Variants in PTPRG observed in about 807,000 individuals in gnomAD.
The protein encoded by PTPRG is receptor-type tyrosine-protein phosphatase gamma.
Under a neutral mutation model 165.3 loss-of-function variants are expected in PTPRG, and 102 were observed. The observed-to-expected ratio is 0.62, with a 90% CI of 0.53 to 0.73. The LOEUF is 0.73. Ranked by LOEUF, PTPRG falls within the 30% of genes least tolerant of loss-of-function variation. The probability of loss-of-function intolerance (pLI) is 0.00; values close to 1 mark genes in which losing one functional copy is unlikely to be tolerated. For synonymous variants in PTPRG, 675 were observed against 669.5 expected (o/e 1.01, Z -0.13); for missense variants, 1,866 against 1,861.4 (o/e 1.00, Z -0.05).
chr3:62,292,040 C>T (rs1702916435), intron 28 of PTPRG, among the ~76,000 whole-genome samples: 1 of 151,980 alleles, frequency 6.6e-6, no homozygotes, highest in Admixed American at 6.6e-5. Flanking sequence ...AATTCAGAGC[C>T]CTTCATCACT....
intron 1 of PTPRG, among the ~76,000 whole-genome samples, chr3:61,599,802 A>G (rs1700801324): frequency 6.6e-6 from 1 of 152,084 alleles, no homozygotes; most frequent in African/African-American, 2.4e-5. Flanking sequence ...CTGATCCTGC[A>G]TTCTTCACCA....
intron 4 of PTPRG, among the ~76,000 whole-genome samples, chr3:62,072,631 G>GTGTC (rs144463523): frequency 2.0e-5 from 3 of 151,326 alleles, no homozygotes; most frequent in East Asian, 1.9e-4. Context: ...GTGTGTGTGT[G>GTGTC]TGTGTGTGTG....
chr3:62,290,936 C>T (rs971527106), intron 28 of PTPRG, among the ~76,000 whole-genome samples: 1 of 151,972 alleles, frequency 6.6e-6, no homozygotes, highest in African/African-American at 2.4e-5. Context: ...ACTGTACTTC[C>T]GTATAACAAA....
intron 1 of PTPRG, among the ~76,000 whole-genome samples, chr3:61,656,076 T>C (rs1387031243): frequency 7.8e-6 from 1 of 128,422 alleles, no homozygotes; most frequent in African/African-American, 2.9e-5. Context: ...GAAAATAAAA[T>C]GAAAAAATAA....
At chr3:61,751,805 A>G (rs2033441528) in intron 2 of PTPRG, among the ~76,000 whole-genome samples, 1 of 152,022 alleles carries the variant, frequency 6.6e-6, no homozygotes, top group Non-Finnish European at 1.5e-5. Context: ...CCTGGCTAAC[A>G]CGGTGAAATC....
intron 5 of PTPRG, among the ~76,000 whole-genome samples, chr3:62,092,580 G>A (rs1182108972): frequency 6.6e-6 from 1 of 151,992 alleles, no homozygotes; most frequent in East Asian, 1.9e-4. Context: ...TCTAAATCCA[G>A]ATTGCTCAAT....
chr3:62,157,637 G>T (rs1299199048), intron 7 of PTPRG, among the ~76,000 whole-genome samples: 1 of 152,152 alleles, frequency 6.6e-6, no homozygotes, highest in Admixed American at 6.5e-5. Context: ...GTCTTATGAG[G>T]AAGGTGCTGT....
intron 2 of PTPRG, among the ~76,000 whole-genome samples, chr3:61,822,278 G>A (rs1405622919): frequency 1.3e-5 from 2 of 152,144 alleles, no homozygotes; most frequent in Non-Finnish European, 2.9e-5. Context: ...TAGCCGTTGG[G>A]TTTCACGTTG....
At chr3:62,263,818 G>C (rs994346713) in intron 17 of PTPRG, 1 of 152,232 alleles carries the variant, frequency 6.6e-6, no homozygotes, top group Non-Finnish European at 1.5e-5. Flanking sequence ...TGCAAGACCA[G>C]CCTGGCCAAC....
At chr3:62,282,268 G>T (rs1702477508) in intron 27 of PTPRG, among the ~76,000 whole-genome samples, 1 of 152,078 alleles carries the variant, frequency 6.6e-6, no homozygotes, top group South Asian at 2.1e-4. Flanking sequence ...TTGAGACAAG[G>T]TCTCACTCAC....
chr3:61,600,818 G>A (rs1193901152), intron 1 of PTPRG, among the ~76,000 whole-genome samples: 1 of 152,216 alleles, frequency 6.6e-6, no homozygotes, highest in Non-Finnish European at 1.5e-5. Context: ...TGGGATTACA[G>A]GCTTGAGCCA....
At chr3:61,868,583 T>G (rs949753729) in intron 2 of PTPRG, among the ~76,000 whole-genome samples, 1 of 152,198 alleles carries the variant, frequency 6.6e-6, no homozygotes, top group Admixed American at 6.5e-5. Context: ...ATTTTCCTTG[T>G]GTGAGTTTGA....
chr3:62,262,581 A>AGAT, intron 16 of PTPRG: 1 of 406,076 alleles, frequency 2.5e-6, no homozygotes, highest in Non-Finnish European at 4.3e-6. Flanking sequence ...AGAAAAAAGT[A>AGAT]GATGATTGAT....
At chr3:62,247,756 CATAA>C (rs1306525338) in intron 15 of PTPRG, among the ~76,000 whole-genome samples, 1 of 152,102 alleles carries the variant, frequency 6.6e-6, no homozygotes, top group Admixed American at 6.5e-5. Context: ...GGCTAAAATT[CATAA>C]ATAAATAGCT....
chr3:61,809,875 A>G (rs936241559), intron 2 of PTPRG, among the ~76,000 whole-genome samples: 3 of 152,130 alleles, frequency 2.0e-5, no homozygotes, highest in African/African-American at 7.2e-5. Context: ...TCTTGATTTC[A>G]AGGTGATTAA....
chr3:61,888,171 T>C (rs1351324362), intron 2 of PTPRG, among the ~76,000 whole-genome samples: 1 of 151,988 alleles, frequency 6.6e-6, no homozygotes, highest in Non-Finnish European at 1.5e-5. Flanking sequence ...TGTATACTTT[T>C]GATCTAGTTT....
At chr3:61,777,974 G>A (rs2034434630) in intron 2 of PTPRG, among the ~76,000 whole-genome samples, 1 of 152,142 alleles carries the variant, frequency 6.6e-6, no homozygotes, top group Non-Finnish European at 1.5e-5. Flanking sequence ...TGGTTCTTCA[G>A]TGCCTAGTAC....
At chr3:61,867,674 C>T (rs1437846434) in intron 2 of PTPRG, among the ~76,000 whole-genome samples, 1 of 152,108 alleles carries the variant, frequency 6.6e-6, no homozygotes, top group Non-Finnish European at 1.5e-5. Flanking sequence ...CACCCTGTAC[C>T]TCTTTTCCAT....
At chr3:62,177,410 C>A (rs1705467077) in intron 8 of PTPRG, among the ~76,000 whole-genome samples, 1 of 152,156 alleles carries the variant, frequency 6.6e-6, no homozygotes. Flanking sequence ...ATAATTGTAT[C>A]TTCTTATCTG....
Sources: allele counts gnomAD v4.1 joint callset (sites outside exome capture counted in the v4.1 genomes callset), GRCh38; gene constraint gnomAD v4.1.1; transcripts MANE v1.5; gene names NCBI Gene and HGNC (gene_info 2026-07-23, HGNC 2026-07-21).